The following NRG3 variants were observed in gnomAD, a reference collection of about 807,000 sequenced individuals.
NRG3 encodes pro-neuregulin-3, membrane-bound isoform.
In NRG3, 31 loss-of-function variants were observed where a neutral mutation model predicts 66.9. The observed-to-expected ratio is 0.46, with a 90% CI of 0.35 to 0.63. The LOEUF is 0.63. Ranked by LOEUF, NRG3 falls within the 20% of genes least tolerant of loss-of-function variation. The pLI is 0.00. For synonymous variants in NRG3, 393 were observed against 359.4 expected (o/e 1.09, Z -1.06); for missense variants, 910 against 878.9 (o/e 1.04, Z -0.45).
At chr10:82,679,398 C>T (rs1755967240) in intron 2 of NRG3, among the ~76,000 whole-genome samples, 1 of 152,048 alleles carries the variant, frequency 6.6e-6, no homozygotes, top group Non-Finnish European at 1.5e-5. Flanking sequence ...CTTGCATTTA[C>T]AAAATCACTT....
chr10:82,285,753 G>A (rs1360939), intron 1 of NRG3, among the ~76,000 whole-genome samples: 1 of 152,164 alleles, frequency 6.6e-6, no homozygotes, highest in Admixed American at 6.5e-5. Flanking sequence ...AAAGCACTTA[G>A]TATGTTTGCC....
chr10:82,317,480 T>G (rs1458838143), intron 1 of NRG3, among the ~76,000 whole-genome samples: 2 of 152,330 alleles, frequency 1.3e-5, no homozygotes, highest in East Asian at 3.9e-4. Context: ...GAATTGTCTA[T>G]GTAGTTTCAG....
chr10:82,298,612 C>T (rs1368789583), intron 1 of NRG3, among the ~76,000 whole-genome samples: 1 of 151,988 alleles, frequency 6.6e-6, no homozygotes, highest in African/African-American at 2.4e-5. Flanking sequence ...TAGATTTTGA[C>T]AGTCATCATT....
chr10:82,138,149 G>A (rs1367742023), intron 1 of NRG3, among the ~76,000 whole-genome samples: 1 of 151,972 alleles, frequency 6.6e-6, no homozygotes, highest in Non-Finnish European at 1.5e-5. Flanking sequence ...AAATACATCT[G>A]TGTTTAGTTG....
intron 3 of NRG3, among the ~76,000 whole-genome samples, chr10:82,847,243 G>C (rs1188884037): frequency 6.6e-6 from 1 of 152,174 alleles, no homozygotes; most frequent in African/African-American, 2.4e-5. Context: ...ATCTGCTCCA[G>C]TCTTATAAAA....
intron 2 of NRG3, among the ~76,000 whole-genome samples, chr10:82,474,238 A>G (rs941344204): frequency 1.3e-5 from 2 of 152,000 alleles, no homozygotes; most frequent in Non-Finnish European, 2.9e-5. Flanking sequence ...CATTCAAAGG[A>G]AAAAACAAAA....
At chr10:82,672,120 T>G (rs1165322282) in intron 2 of NRG3, among the ~76,000 whole-genome samples, 1 of 152,148 alleles carries the variant, frequency 6.6e-6, no homozygotes, top group Non-Finnish European at 1.5e-5. Context: ...GCCCAAATCA[T>G]GAAGATGATT....
intron 2 of NRG3, among the ~76,000 whole-genome samples, chr10:82,588,897 C>A (rs1425733274): frequency 6.6e-6 from 1 of 152,200 alleles, no homozygotes; most frequent in Non-Finnish European, 1.5e-5. Flanking sequence ...TAGCAAGGAA[C>A]CATTCCCGCA....
At chr10:82,055,363 G>C (rs532010554) in intron 1 of NRG3, among the ~76,000 whole-genome samples, 196 of 151,672 alleles carry the variant, frequency 1.3e-3, no homozygotes, top group African/African-American at 4.6e-3. Flanking sequence ...TGTAATCTCA[G>C]CTACTCGGGA....
chr10:82,539,867 C>T (rs1014668036), intron 2 of NRG3, among the ~76,000 whole-genome samples: 1 of 152,066 alleles, frequency 6.6e-6, no homozygotes, highest in Non-Finnish European at 1.5e-5. Flanking sequence ...CTCCTGCCCT[C>T]GTGATCCACC....
chr10:82,654,892 A>G (rs888084249), intron 2 of NRG3, among the ~76,000 whole-genome samples: 2 of 152,100 alleles, frequency 1.3e-5, no homozygotes, highest in African/African-American at 4.8e-5. Flanking sequence ...TTAAAGTGTT[A>G]TACGTATCTC....
At chr10:82,445,141 T>TTG (rs1253378845) in intron 2 of NRG3, among the ~76,000 whole-genome samples, 1 of 68,886 alleles carries the variant, frequency 1.5e-5, no homozygotes, top group African/African-American at 1.8e-4. Flanking sequence ...CCATGCCAGT[T>TTG]TTTTTTTTTT....
intron 1 of NRG3, among the ~76,000 whole-genome samples, chr10:82,223,642 A>AAAACACACACAC (rs1225527774): frequency 5.7e-4 from 78 of 138,014 alleles, no homozygotes; most frequent in Middle Eastern, 7.8e-3. Context: ...AACCACCCCA[A>AAAACACACACAC]ACACACACAC....
chr10:82,478,884 A>G (rs1590275108), intron 2 of NRG3, among the ~76,000 whole-genome samples: 1 of 152,252 alleles, frequency 6.6e-6, no homozygotes, highest in Non-Finnish European at 1.5e-5. Flanking sequence ...GAAGTGGATT[A>G]CATTTCAATA....
At chr10:81,889,655 T>C (rs548716511) in intron 1 of NRG3, 32 of 152,314 alleles carry the variant, frequency 2.1e-4, no homozygotes, top group African/African-American at 6.5e-4. Context: ...CTTCTATTTT[T>C]CACTGATCAG....
At chr10:82,006,243 G>C (rs1564731427) in intron 1 of NRG3, among the ~76,000 whole-genome samples, 1 of 151,868 alleles carries the variant, frequency 6.6e-6, no homozygotes. Flanking sequence ...CATATTTATT[G>C]GCCATTTGAG....
intron 1 of NRG3, among the ~76,000 whole-genome samples, chr10:81,900,417 C>T (rs1226317814): frequency 6.6e-6 from 1 of 152,176 alleles, no homozygotes; most frequent in Non-Finnish European, 1.5e-5. Context: ...AGAAATTAAG[C>T]CAAATGAATT....
At chr10:81,959,675 T>A (rs1287858649) in intron 1 of NRG3, among the ~76,000 whole-genome samples, 1 of 151,188 alleles carries the variant, frequency 6.6e-6, no homozygotes, top group Non-Finnish European at 1.5e-5. Flanking sequence ...TTAACTTCAT[T>A]TTTTTTTTAG....
At chr10:82,625,179 G>A (rs1426593186) in intron 2 of NRG3, among the ~76,000 whole-genome samples, 1 of 151,828 alleles carries the variant, frequency 6.6e-6, no homozygotes, top group African/African-American at 2.4e-5. Context: ...GATAAGGACA[G>A]CAGCATCTCT....
Sources: allele counts gnomAD v4.1 joint callset (sites outside exome capture counted in the v4.1 genomes callset), GRCh38; gene constraint gnomAD v4.1.1; transcripts MANE v1.5; gene names NCBI Gene and HGNC (gene_info 2026-07-23, HGNC 2026-07-21).